PTPRD: variants seen among roughly 807,000 people sequenced by gnomAD.
PTPRD encodes protein tyrosine phosphatase receptor type D, also known as receptor-type tyrosine-protein phosphatase delta.
Under a neutral mutation model 214.5 loss-of-function variants are expected in PTPRD, and 34 were observed. The ratio of observed to expected loss-of-function variants is 0.16; its 90% CI spans 0.12 to 0.21. The LOEUF (loss-of-function observed/expected upper bound fraction) is 0.21. Ranked by LOEUF, PTPRD falls within the 10% of genes least tolerant of loss-of-function variation. PTPRD has a pLI of 1.00. For synonymous variants in PTPRD, 1,128 were observed against 845.7 expected (o/e 1.33, Z -5.79); for missense variants, 2,545 against 2,398.7 (o/e 1.06, Z -1.27).
intron 2 of PTPRD, among the ~76,000 whole-genome samples, chr9:10,362,167 C>G (rs1054759333): frequency 2.6e-5 from 4 of 151,998 alleles, no homozygotes; most frequent in Non-Finnish European, 4.4e-5. Flanking sequence ...GCTAATCGCT[C>G]AACAATCATA....
chr9:8,591,596 T>G (rs957169471), intron 14 of PTPRD, among the ~76,000 whole-genome samples: 2 of 152,142 alleles, frequency 1.3e-5, no homozygotes, highest in Non-Finnish European at 2.9e-5. Context: ...GAGGTGGACA[T>G]TTTCCAAGTG....
chr9:9,429,547 T>G (rs1644941938), intron 8 of PTPRD, among the ~76,000 whole-genome samples: 1 of 152,112 alleles, frequency 6.6e-6, no homozygotes, highest in African/African-American at 2.4e-5. Flanking sequence ...CCTTACTCAT[T>G]TTATGAGGCC....
At chr9:9,587,820 T>C (rs540057729) in intron 7 of PTPRD, among the ~76,000 whole-genome samples, 3 of 151,900 alleles carry the variant, frequency 2.0e-5, no homozygotes, top group Admixed American at 6.6e-5. Flanking sequence ...TCATAGAGAA[T>C]AGAATGGTAA....
chr9:8,790,826 T>C (rs1333190624), intron 11 of PTPRD, among the ~76,000 whole-genome samples: 1 of 151,778 alleles, frequency 6.6e-6, no homozygotes, highest in East Asian at 1.9e-4. Context: ...TATAGACCTA[T>C]GCTATCCAAA....
chr9:9,076,286 T>C (rs1038535656), intron 10 of PTPRD, among the ~76,000 whole-genome samples: 1 of 152,186 alleles, frequency 6.6e-6, no homozygotes, highest in African/African-American at 2.4e-5. Context: ...AGATTCTGGA[T>C]ATTAGCCCTT....
Position 10,348,971 on chromosome 9 carries a change from A to G in PTPRD, c.-599-7954T>C, listed in dbSNP as rs187572074. On this transcript the variant is annotated intron_variant, in intron 2 of 45. Coordinates refer to ENST00000381196, the MANE Select transcript of PTPRD (RefSeq NM_002839.4). ...TTCACCATGGCAGTGTAATTGATCA[A>G]CCTATCAATTATCTTTGCAGGTACA... is the stretch of plus-strand genomic sequence containing the variant. 2.2e-4 allele frequency among the ~76,000 whole-genome samples: 33 copies of G among 152,188 alleles called. No individual in the cohort carries two copies. The East Asian group carries it at 6.2e-3, about 29-fold the overall frequency.
chr9:10,236,643 C>G (rs2154359869), intron 3 of PTPRD, among the ~76,000 whole-genome samples: 1 of 151,892 alleles, frequency 6.6e-6, no homozygotes, highest in South Asian at 2.1e-4. Flanking sequence ...TTCTGCAAAA[C>G]CTAACACCTG....
chr9:9,395,140 G>A (rs2067297352), intron 9 of PTPRD, among the ~76,000 whole-genome samples: 1 of 150,320 alleles, frequency 6.7e-6, no homozygotes, highest in Non-Finnish European at 1.5e-5. Flanking sequence ...TCCATAGAGA[G>A]AAGATGACTA....
intron 4 of PTPRD, among the ~76,000 whole-genome samples, chr9:10,022,987 T>C (rs1225308836): frequency 6.6e-6 from 1 of 152,212 alleles, no homozygotes; most frequent in Non-Finnish European, 1.5e-5. Flanking sequence ...AATTGTATTT[T>C]GCCTCAGAAA....
At chr9:9,513,867 T>G (rs1357352790) in intron 8 of PTPRD, among the ~76,000 whole-genome samples, 1 of 152,044 alleles carries the variant, frequency 6.6e-6, no homozygotes, top group Non-Finnish European at 1.5e-5. Context: ...ATTTTCTTCC[T>G]CAAATAAAAA....
chr9:8,703,190 G>A (rs2098127981), intron 12 of PTPRD, among the ~76,000 whole-genome samples: 1 of 152,136 alleles, frequency 6.6e-6, no homozygotes, highest in Non-Finnish European at 1.5e-5. Flanking sequence ...TATGCAGGAT[G>A]GTAATAGACT....
At chr9:8,440,758 C>A (rs2095521444) in intron 34 of PTPRD, among the ~76,000 whole-genome samples, 1 of 152,092 alleles carries the variant, frequency 6.6e-6, no homozygotes, top group African/African-American at 2.4e-5. Flanking sequence ...CAAGATGGCT[C>A]CCTTTAATAG....
At chr9:10,489,958 G>A (rs940043992) in intron 2 of PTPRD, among the ~76,000 whole-genome samples, 5 of 152,084 alleles carry the variant, frequency 3.3e-5, no homozygotes, top group African/African-American at 1.2e-4. Context: ...TTAAAACCAC[G>A]TACTTTGAGT....
intron 3 of PTPRD, among the ~76,000 whole-genome samples, chr9:10,035,445 C>T (rs750213560): frequency 1.3e-5 from 2 of 152,118 alleles, no homozygotes; most frequent in Non-Finnish European, 2.9e-5. Context: ...AATTTGATCT[C>T]ATCTGTTGAT....
intron 2 of PTPRD, among the ~76,000 whole-genome samples, chr9:10,539,270 T>G (rs1566819434): frequency 6.6e-6 from 1 of 152,280 alleles, no homozygotes; most frequent in Middle Eastern, 3.4e-3. Context: ...CTGCAACCAC[T>G]GTCTTTCAGG....
In PTPRD at chr9:8,508,755, T is replaced by C. The variant is rs1441373972; in HGVS notation, c.1544-1321A>G. ...AATGTATTGCTTTCCTTTTCTTTTA[T>C]AGTTATGTCTGTGTACTATGGCTTT... is the stretch of plus-strand genomic sequence containing the variant. On this transcript the variant is annotated intron_variant, in intron 21 of 45. Transcript: ENST00000381196. Among the ~76,000 whole-genome samples the C allele has an allele frequency of 3.9e-5, 6 of 152,304 alleles. No individual in the cohort carries two copies. The South Asian group carries it at 1.2e-3, about 32-fold the overall frequency.
At chr9:9,933,482 G>T (rs1214161968) in intron 5 of PTPRD, among the ~76,000 whole-genome samples, 4 of 151,798 alleles carry the variant, frequency 2.6e-5, no homozygotes, top group Non-Finnish European at 4.4e-5. Flanking sequence ...AGACAAAGAA[G>T]GCCATTACAT....
At chr9:8,768,452 T>C (rs1184394162) in intron 11 of PTPRD, among the ~76,000 whole-genome samples, 1 of 152,058 alleles carries the variant, frequency 6.6e-6, no homozygotes, top group African/African-American at 2.4e-5. Flanking sequence ...CTCAGGAAGC[T>C]GAGAGGTGGA....
chr9:9,226,712 G>T (rs2099959719), intron 9 of PTPRD, among the ~76,000 whole-genome samples: 1 of 151,930 alleles, frequency 6.6e-6, no homozygotes, highest in African/African-American at 2.4e-5. Context: ...TATCTCACAG[G>T]GTTGCTATGC....
Sources: gnomAD v4.1 joint callset for allele counts (sites outside exome capture counted in the v4.1 genomes callset) on GRCh38, gnomAD v4.1.1 for gene constraint, MANE v1.5 for transcripts, NCBI Gene and HGNC (gene_info 2026-07-23, HGNC 2026-07-21) for gene names.